Variants in CLEC9A observed in about 807,000 individuals in gnomAD.
CLEC9A encodes C-type lectin domain containing 9A.
Under a neutral mutation model 30.0 loss-of-function variants are expected in CLEC9A, and 24 were observed. The observed-to-expected ratio is 0.80, with a 90% confidence interval of 0.58 to 1.13. The LOEUF is 1.13. Ranked by LOEUF, CLEC9A falls within the 50% of genes most tolerant of loss-of-function variation. The probability of loss-of-function intolerance (pLI) is 0.00; values close to 1 mark genes in which losing one functional copy is unlikely to be tolerated. For synonymous variants in CLEC9A, 111 were observed against 96.8 expected, an observed-to-expected ratio of 1.15 and a Z score of -0.86; for missense variants, 251 against 280.9, an observed-to-expected ratio of 0.89 and a Z score of 0.76.
chr12:10,033,853 T>G (rs79312067), intron 1 of CLEC9A, among the ~76,000 whole-genome samples: 3,438 of 152,062 alleles, frequency 0.023, 133 homozygotes, highest in African/African-American at 0.079. Flanking sequence ...ATGGCCAGAA[T>G]GACAATTAAT....
In CLEC9A at chr12:10,065,823, C is replaced by A; in HGVS notation, c.*191C>A. The A allele has an allele frequency of 1.8e-6, 1 of 544,262 alleles. No individual in the cohort carries two copies. Among genetic ancestry groups the A allele is most frequent in the Non-Finnish European group, 3.2e-6 (1 of 315,568 alleles). The allele number at this position is 544,262 out of a possible 1,614,324, so 33.7% of individuals were successfully genotyped here. A position where few individuals can be genotyped will look rare whatever the true frequency, so the allele number is the denominator to read the frequency against. Reference sequence around the variant, plus strand: ...TCCAGATTTCATTTGATGTTGTTCACATTGCAAGAGTAAAACTTATTTAGA... The same window carrying A: ...TCCAGATTTCATTTGATGTTGTTCAAATTGCAAGAGTAAAACTTATTTAGA... On this transcript the variant is annotated 3_prime_UTR_variant, in exon 9 of 9. Coordinates refer to ENST00000355819, the MANE Select transcript of CLEC9A (RefSeq NM_207345.4).
At chr12:10,049,155 G>GT (rs1327789165) in intron 2 of CLEC9A, among the ~76,000 whole-genome samples, 70 of 151,094 alleles carry the variant, frequency 4.6e-4, no homozygotes, top group Non-Finnish European at 6.5e-4. Context: ...AAAAAAAAAG[G>GT]TTTTTTTTTC....
chr12:10,035,576 T>C (rs1865737841), intron 1 of CLEC9A, among the ~76,000 whole-genome samples: 1 of 152,206 alleles, frequency 6.6e-6, no homozygotes, highest in Admixed American at 6.5e-5. Context: ...ATAATCGCAC[T>C]GAGTAGATTA....
intron 5 of CLEC9A, chr12:10,060,896 T>G: frequency 2.5e-6 from 1 of 396,250 alleles, no homozygotes. Flanking sequence ...ATCTGGTTGT[T>G]TGGGGGTAGT....
chr12:10,056,851 T>TAATTTCTA (rs2137311160), intron 5 of CLEC9A, among the ~76,000 whole-genome samples: 1 of 152,318 alleles, frequency 6.6e-6, no homozygotes, highest in South Asian at 2.1e-4. Flanking sequence ...AGACTTCCAG[T>TAATTTCTA]AATTTCTAGA....
At chr12:10,048,965 T>G (rs1200961351) in intron 2 of CLEC9A, among the ~76,000 whole-genome samples, 3 of 152,224 alleles carry the variant, frequency 2.0e-5, no homozygotes, top group Non-Finnish European at 4.4e-5. Context: ...ATGGCAGTGA[T>G]AGCCTTATGA....
At chr12:10,055,636 T>C (rs1030005754) in intron 5 of CLEC9A, among the ~76,000 whole-genome samples, 5 of 152,198 alleles carry the variant, frequency 3.3e-5, no homozygotes, top group African/African-American at 1.2e-4. Context: ...CTTGAAGCAC[T>C]GTTGTCAAGT....
chr12:10,038,924 T>G (rs1477602116), intron 1 of CLEC9A, among the ~76,000 whole-genome samples: 1 of 152,230 alleles, frequency 6.6e-6, no homozygotes, highest in Non-Finnish European at 1.5e-5. Flanking sequence ...CCATTGGGGA[T>G]GAGGATGGAT....
intron 1 of CLEC9A, among the ~76,000 whole-genome samples, chr12:10,036,888 A>G (rs1455392033): frequency 2.0e-5 from 3 of 152,226 alleles, no homozygotes; most frequent in African/African-American, 7.2e-5. Flanking sequence ...CCCGTCATAC[A>G]TATATGCATT....
At chr12:10,032,454 A>C (rs533788118) in intron 1 of CLEC9A, among the ~76,000 whole-genome samples, 1 of 141,094 alleles carries the variant, frequency 7.1e-6, no homozygotes, top group Non-Finnish European at 1.5e-5. Flanking sequence ...GCAGTGGCGC[A>C]ATCTCGGCTC....
chr12:10,064,663 C>A, intron 7 of CLEC9A, 69 bp from the exon 8 acceptor site: 1 of 1,495,404 alleles, frequency 6.7e-7, no homozygotes, highest in Admixed American at 2.1e-5. Context: ...CAAAATGTCA[C>A]ACTTTATATT....
In CLEC9A at chr12:10,064,683, TTTTG is replaced by T. The variant is rs779149534; in HGVS notation, c.472-37_472-34del. ...TGTCACACTTTATATTTCACTAGAG[TTTTG>T]TTTGTTTGTTTTTCTCATTTCACAG... On this transcript the variant is annotated intron_variant, in intron 7 of 8. Coordinates refer to ENST00000355819, the MANE Select transcript of CLEC9A (RefSeq NM_207345.4). 4.8e-4 allele frequency: 747 copies of T among 1,561,470 alleles called. 3 individuals are homozygous for T. The highest frequency in any genetic ancestry group is 5.0e-4 in the Non-Finnish European group (572 of 1,152,086).
intron 1 of CLEC9A, among the ~76,000 whole-genome samples, chr12:10,031,353 G>T (rs1311188673): frequency 6.6e-6 from 1 of 152,160 alleles, no homozygotes; most frequent in Non-Finnish European, 1.5e-5. Context: ...AGTCTAAAAT[G>T]CCCTCTGCAC....
At chr12:10,046,297 G>T (rs893873492) in intron 2 of CLEC9A, among the ~76,000 whole-genome samples, 2 of 152,060 alleles carry the variant, frequency 1.3e-5, no homozygotes, top group African/African-American at 4.8e-5. Flanking sequence ...CCCAGATCCT[G>T]GCTTACAGGA....
Position 10,063,046 on chromosome 12 carries a change from T to C in CLEC9A, c.320-9T>C, listed in dbSNP as rs978686687. On this transcript the variant is annotated splice_polypyrimidine_tract_variant and intron_variant, in intron 6 of 8. Coordinates refer to ENST00000355819, the MANE Select transcript of CLEC9A (RefSeq NM_207345.4). Reference sequence around the variant, plus strand: ...ATAAGATACTAAAGTAAAATGTTTATATTCAAAGCCCATAACAGCAGTCCT... The same window carrying C: ...ATAAGATACTAAAGTAAAATGTTTACATTCAAAGCCCATAACAGCAGTCCT... 6.3e-7 allele frequency: 1 copy of C among 1,580,540 alleles called. No individual in the cohort carries two copies. Among genetic ancestry groups the C allele is most frequent in the African/African-American group, 1.4e-5 (1 of 72,542 alleles).
chr12:10,040,911 T>C, intron 1 of CLEC9A: 1 of 216,974 alleles, frequency 4.6e-6, no homozygotes, highest in South Asian at 6.1e-5. Context: ...CTGCAACAAT[T>C]AGCAAAGCAC....
At chr12:10,065,442 C>T (rs1421182994) in intron 8 of CLEC9A, 58 bp from the exon 9 acceptor site, 17 of 1,600,950 alleles carry the variant, frequency 1.1e-5, no homozygotes, top group Non-Finnish European at 1.5e-5. Context: ...TAGTTACCCT[C>T]AGGAGCATTT....
At chr12:10,048,613 C>T (rs564089901) in intron 2 of CLEC9A, among the ~76,000 whole-genome samples, 2 of 152,284 alleles carry the variant, frequency 1.3e-5, no homozygotes, top group South Asian at 4.1e-4. Flanking sequence ...TAATATTTGT[C>T]TCAAGAAACC....
chr12:10,049,093 C>T (rs544270427), intron 2 of CLEC9A, among the ~76,000 whole-genome samples: 7 of 151,716 alleles, frequency 4.6e-5, no homozygotes, highest in Admixed American at 2.0e-4. Context: ...ACATCTTCAT[C>T]GGAGCTCTAG....
Sources: allele counts gnomAD v4.1 joint callset (sites outside exome capture counted in the v4.1 genomes callset), GRCh38; gene constraint gnomAD v4.1.1; transcripts MANE v1.5; gene names NCBI Gene and HGNC (gene_info 2026-07-23, HGNC 2026-07-21).